Variants in RFX2 observed in about 807,000 individuals in gnomAD.
RFX2 encodes the protein DNA-binding protein RFX2.
In RFX2, 20 loss-of-function variants were observed where a neutral mutation model predicts 87.8. The observed-to-expected ratio is 0.23, with a 90% CI of 0.16 to 0.33. The LOEUF (loss-of-function observed/expected upper bound fraction) is 0.33. Ranked by LOEUF, RFX2 falls within the 10% of genes least tolerant of loss-of-function variation. RFX2 has a pLI of 1.00. For synonymous variants in RFX2, 397 were observed against 431.3 expected, an observed-to-expected ratio of 0.92 and a Z score of 0.98; for missense variants, 767 against 1,012.3, an observed-to-expected ratio of 0.76 and a Z score of 3.29.
chr19:6,095,749 A>G (rs1254903167), intron 1 of RFX2, among the ~76,000 whole-genome samples: 3 of 152,216 alleles, frequency 2.0e-5, no homozygotes, highest in Non-Finnish European at 2.9e-5. Context: ...CCACAGGGGC[A>G]GAGGTCAGGA....
chr19:6,104,922 A>G (rs1366734832), intron 1 of RFX2, among the ~76,000 whole-genome samples: 1 of 152,114 alleles, frequency 6.6e-6, no homozygotes, highest in Non-Finnish European at 1.5e-5. Flanking sequence ...GATCGAGACC[A>G]TCTTGGCCAG....
At chr19:6,032,333 T>C (rs531684815) in intron 5 of RFX2, among the ~76,000 whole-genome samples, 10 of 152,294 alleles carry the variant, frequency 6.6e-5, no homozygotes, top group Non-Finnish European at 1.2e-4. Flanking sequence ...GGTTTCACCA[T>C]GTTGGCCAGG....
chr19:6,008,083 C>T (rs1445054516), intron 10 of RFX2, 23 bp downstream of exon 10: 6 of 1,521,092 alleles, frequency 3.9e-6, no homozygotes, highest in Non-Finnish European at 5.4e-6. Flanking sequence ...GCAGGAGCTG[C>T]CTGCCTGGGC....
Position 6,013,149 on chromosome 19 carries a change from C to T in RFX2, c.780-44G>A. Reference sequence around the variant, plus strand: ...AGGGTCAGCTCCCTTTGCAGATGTCCTGAACAACAAGACAGGTTGGGATTC... The same window carrying T: ...AGGGTCAGCTCCCTTTGCAGATGTCTTGAACAACAAGACAGGTTGGGATTC... On this transcript the variant is annotated intron_variant, in intron 7 of 17. Transcript: ENST00000303657. This position sits in a 1 kb window ranked among gnomAD's most constrained non-coding sequence, Gnocchi z 4.1. 6.5e-7 allele frequency: 1 copy of T among 1,534,314 alleles called. No individual in the cohort carries two copies. Among genetic ancestry groups the T allele is most frequent in the South Asian group, 1.3e-5 (1 of 79,860 alleles).
intron 1 of RFX2, among the ~76,000 whole-genome samples, chr19:6,086,379 C>A (rs1318810227): frequency 6.6e-6 from 1 of 152,214 alleles, no homozygotes; most frequent in African/African-American, 2.4e-5. Context: ...TATGGTATAA[C>A]CTATTGCTCC....
chr19:6,001,790 C>T lies in RFX2; in HGVS notation c.1859+25G>A. 6.4e-7 allele frequency: 1 copy of T among 1,561,504 alleles called. No homozygotes were observed. On this transcript the variant is annotated intron_variant, in intron 15 of 17. Coordinates refer to ENST00000303657, the MANE Select transcript of RFX2 (RefSeq NM_000635.4). This position sits in a 1 kb window ranked among gnomAD's most constrained non-coding sequence, Gnocchi z 5.6. The stretch of plus-strand genomic sequence containing the variant: ...TCAGAGCCCCCCACCCGCCAGAATT[C>T]TCTCGGAGGTCTGGTGGGACTAACC...
intron 6 of RFX2, among the ~76,000 whole-genome samples, chr19:6,018,552 C>T (rs913558756): frequency 2.0e-5 from 3 of 152,250 alleles, no homozygotes; most frequent in African/African-American, 7.2e-5. Flanking sequence ...AGGTGAGCTG[C>T]GGGGCTGAGT....
At chr19:6,005,943 GT>G (rs1235523524) in intron 12 of RFX2, among the ~76,000 whole-genome samples, 1 of 152,210 alleles carries the variant, frequency 6.6e-6, no homozygotes, top group African/African-American at 2.4e-5. Context: ...CTCCCGCACA[GT>G]GACGGCTCCA....
intron 5 of RFX2, among the ~76,000 whole-genome samples, chr19:6,035,478 T>G (rs1299943058): frequency 6.6e-6 from 1 of 152,212 alleles, no homozygotes. Flanking sequence ...ATTTATAATA[T>G]GGATGACATT....
chr19:6,052,066 C>T (rs954542801), intron 1 of RFX2, among the ~76,000 whole-genome samples: 1 of 152,016 alleles, frequency 6.6e-6, no homozygotes, highest in Non-Finnish European at 1.5e-5. Flanking sequence ...TTAGTAGAGA[C>T]GGGGTTTCAC....
At chr19:6,106,539 C>T (rs1444613748) in intron 1 of RFX2, among the ~76,000 whole-genome samples, 1 of 152,078 alleles carries the variant, frequency 6.6e-6, no homozygotes, top group Non-Finnish European at 1.5e-5. Context: ...CTTCTCTTCC[C>T]CACTTCGGGT....
rs1355069799 is a variant in RFX2 at position 6,040,248 on chromosome 19, G to C, written c.261-7C>G. ...GTAGGTGTAGGCTGTTCGTCTGTTA[G>C]AAAGAGAGAAGTCACGCATGGGACG... On this transcript the variant is annotated splice_polypyrimidine_tract_variant and splice_region_variant and intron_variant, in intron 4 of 17. Transcript: ENST00000303657. This position sits in a 1 kb window ranked among gnomAD's most constrained non-coding sequence, Gnocchi z 6.1. The C allele has an allele frequency of 6.5e-7, 1 of 1,532,340 alleles. No individual in the cohort carries two copies. Among genetic ancestry groups the C allele is most frequent in the Non-Finnish European group, 8.8e-7 (1 of 1,134,108 alleles). The allele number at this position is 1,532,340 out of a possible 1,614,324, so 94.9% of individuals were successfully genotyped here.
rs369325504 is a variant in RFX2, at chr19:6,007,178, G to A, written c.1248-12C>T. On this transcript the variant is annotated splice_polypyrimidine_tract_variant and intron_variant, in intron 11 of 17. Transcript: ENST00000303657. This position sits in a 1 kb window ranked among gnomAD's most constrained non-coding sequence, Gnocchi z 8.2. Reference sequence around the variant, plus strand: ...CGGGGTCTTCGTCACTGTGGAGGGAGGGGGGACAGGTGAGCTGTGGCCTGG... The same window carrying A: ...CGGGGTCTTCGTCACTGTGGAGGGAAGGGGGACAGGTGAGCTGTGGCCTGG... 4 of 1,611,378 alleles carry A rather than the reference G, an allele frequency of 2.5e-6. No homozygotes were observed. Among genetic ancestry groups the A allele is most frequent in the Admixed American group, 3.3e-5 (2 of 59,940 alleles).
intron 1 of RFX2, among the ~76,000 whole-genome samples, chr19:6,105,660 C>T (rs2088205590): frequency 6.6e-6 from 1 of 152,096 alleles, no homozygotes; most frequent in Non-Finnish European, 1.5e-5. Context: ...ATCATCCGGG[C>T]TAGATGCTGG....
chr19:5,997,192 C>T lies in RFX2; in HGVS notation c.1881G>A (p.Leu627=), dbSNP rs912238139. 1.2e-6 allele frequency: 2 copies of T among 1,612,036 alleles called. No individual in the cohort carries two copies. Among genetic ancestry groups the T allele is most frequent in the Non-Finnish European group, 1.7e-6 (2 of 1,179,860 alleles). Residue 627 remains leucine (L), a synonymous_variant, in exon 16 of 18, where the codon CTG becomes CTA. Coordinates refer to ENST00000303657, the MANE Select transcript of RFX2 (RefSeq NM_000635.4). This position sits in a 1 kb window ranked among gnomAD's most constrained non-coding sequence, Gnocchi z 4.2. ...CGAAGCTGGCAGCGCTGCGCAGGGT[C>T]AGGTCCCGGATCACCATGGAGCTGG... is the stretch of plus-strand genomic sequence containing the variant. ...SFYSSMVIRD[L]TLRSAASFGS... is the part of the protein sequence containing the mutation.
intron 1 of RFX2, among the ~76,000 whole-genome samples, chr19:6,107,788 C>A (rs1182647601): frequency 2.0e-5 from 3 of 152,138 alleles, no homozygotes; most frequent in Non-Finnish European, 4.4e-5. Flanking sequence ...CCAGCACCTG[C>A]ATTTCTGGTG....
rs774750448 is a variant in RFX2 at position 6,047,401 on chromosome 19, C to T, written c.90+6G>A. 117 of 1,602,764 alleles carry T rather than the reference C, an allele frequency of 7.3e-5. No homozygotes were observed. The highest frequency in any genetic ancestry group is 9.5e-5 in the Non-Finnish European group (112 of 1,175,010). Reference sequence around the variant, plus strand: ...CACCCTGTTGTTGCTGAGAGGCGCGCGTTACCTGCGGGGAGGCTGGCACAG... The same window carrying T: ...CACCCTGTTGTTGCTGAGAGGCGCGTGTTACCTGCGGGGAGGCTGGCACAG... On this transcript the variant is annotated splice_donor_region_variant and intron_variant, in intron 2 of 17. Transcript: ENST00000303657. The surrounding 1 kb of genome is among the most constrained non-coding windows in gnomAD (Gnocchi z 4.2).
rs1372005782 is a variant in RFX2, at chr19:6,073,292, G to T, written c.-8-25788C>A. On this transcript the variant is annotated intron_variant, in intron 1 of 17. Coordinates refer to ENST00000303657, the MANE Select transcript of RFX2 (RefSeq NM_000635.4). ...ACCGCGCCTGCAAGGGCCAGATCTT[G>T]ATGCCCAACACTGGTCATGGGAGCA... is the stretch of plus-strand genomic sequence containing the variant. 4.9e-6 allele frequency: 5 copies of T among 1,026,572 alleles called. No individual in the cohort carries two copies. In the East Asian group the frequency reaches 1.3e-4, roughly 26 times the overall value. 63.6% of individuals were successfully genotyped at this position (1,026,572 alleles called of 1,614,324 possible). A position where few individuals can be genotyped will look rare whatever the true frequency, so the allele number is the denominator to read the frequency against.
At position 6,010,045 on chromosome 19, in the gene RFX2, G is replaced by T. The variant is rs1453737860; in HGVS notation, c.1015+91C>A. 1.7e-5 allele frequency: 12 copies of T among 724,732 alleles called. No homozygotes were observed. Among genetic ancestry groups the T allele is most frequent in the South Asian group, 3.8e-5 (2 of 53,116 alleles). 44.9% of individuals were successfully genotyped at this position (724,732 alleles called of 1,614,324 possible). A position where few individuals can be genotyped will look rare whatever the true frequency, so the allele number is the denominator to read the frequency against. On this transcript the variant is annotated intron_variant, in intron 9 of 17. Coordinates refer to ENST00000303657, the MANE Select transcript of RFX2 (RefSeq NM_000635.4). This position sits in a 1 kb window ranked among gnomAD's most constrained non-coding sequence, Gnocchi z 5.0. Reference sequence around the variant, plus strand: ...CGTAAGAAAACTGTCGGAAGCAGACGCTTAGACACCACTGGTTCTGCTGGT... The same window carrying T: ...CGTAAGAAAACTGTCGGAAGCAGACTCTTAGACACCACTGGTTCTGCTGGT...
Sources: gnomAD v4.1 joint callset for allele counts (sites outside exome capture counted in the v4.1 genomes callset) on GRCh38, gnomAD v4.1.1 for gene constraint, Gnocchi (gnomAD v3.1) non-coding constraint, MANE v1.5 for transcripts, NCBI Gene and HGNC (gene_info 2026-07-23, HGNC 2026-07-21) for gene names.